The following PCDHGA2 variants were observed in gnomAD, a reference collection of about 807,000 sequenced individuals.
The protein encoded by PCDHGA2 is protocadherin gamma-A2.
Under a neutral mutation model 59.2 loss-of-function variants are expected in PCDHGA2, and 40 were observed. The observed-to-expected ratio is 0.68, with a 90% confidence interval of 0.52 to 0.88. The LOEUF (loss-of-function observed/expected upper bound fraction) is 0.88, where lower values mean the gene tolerates loss of function less well. Among genes scored for constraint, PCDHGA2 ranks in the 40% least tolerant of loss-of-function variants. The pLI is 0.00. For synonymous variants in PCDHGA2, 560 were observed against 526.0 expected (o/e 1.06, Z -0.89); for missense variants, 1,226 against 1,204.0 (o/e 1.02, Z -0.27).
rs758879836 is a variant in PCDHGA2 at position 141,400,006 on chromosome 5, G to A, written c.2424+58611G>A. 3 of 1,612,536 alleles carry A rather than the reference G, an allele frequency of 1.9e-6. No homozygotes were observed. The South Asian group carries it at 3.3e-5, about 18-fold the overall frequency. On this transcript the variant is annotated intron_variant, in intron 1 of 3. Coordinates refer to ENST00000394576, the MANE Select transcript of PCDHGA2 (RefSeq NM_018915.4). ...CACAGGAGAGGTGCGCACAGCGCGT[G>A]CCTTGGGCGACAGGGACGCGGCCCG...
chr5:141,354,662 C>G (rs1183093818), intron 1 of PCDHGA2, among the ~76,000 whole-genome samples: 1 of 152,142 alleles, frequency 6.6e-6, no homozygotes, highest in East Asian at 1.9e-4. Flanking sequence ...CCACCTTTGT[C>G]TTTAGGAGAG....
Position 141,489,343 on chromosome 5 carries a change from G to A in PCDHGA2, c.2425-5464G>A, listed in dbSNP as rs377697321. On this transcript the variant is annotated intron_variant, in intron 1 of 3. Coordinates refer to ENST00000394576, the MANE Select transcript of PCDHGA2 (RefSeq NM_018915.4). This position sits in a 1 kb window ranked among gnomAD's most constrained non-coding sequence, Gnocchi z 4.5. ...GGTGTCTGGGCAGCTTCGTTACTCA[G>A]TGGTGGAGGAGTCTGAGCCGGGGAC... The A allele has an allele frequency of 5.6e-6, 9 of 1,611,264 alleles. No individual in the cohort carries two copies. Among genetic ancestry groups the A allele is most frequent in the Non-Finnish European group, 7.6e-6 (9 of 1,178,202 alleles).
chr5:141,340,470 C>T lies in PCDHGA2; in HGVS notation c.1499C>T (p.Pro500Leu). The change falls in exon 1 of 4, where the codon CCC becomes CTC. Residue 500 changes from proline (P) to leucine (L), a missense_variant. Coordinates refer to ENST00000394576, the MANE Select transcript of PCDHGA2 (RefSeq NM_018915.4). ...GCGGAGGACACTGTTCAGGGGGCACCCTTATCCTCTTACATCTCTATCAAC... is the reference window on the plus strand; with the variant it reads ...GCGGAGGACACTGTTCAGGGGGCACTCTTATCCTCTTACATCTCTATCAAC... ...SFAEDTVQGA[P>L]LSSYISINSD... 6.2e-7 allele frequency: 1 copy of T among 1,614,228 alleles called. No homozygotes were observed. Among genetic ancestry groups the T allele is most frequent in the Non-Finnish European group, 8.5e-7 (1 of 1,180,046 alleles).
chr5:141,358,641 G>A lies in PCDHGA2; in HGVS notation c.2424+17246G>A, dbSNP rs577212064. Among the ~76,000 whole-genome samples the A allele has an allele frequency of 9.9e-5, 15 of 152,162 alleles. No individual in the cohort carries two copies. The East Asian group carries it at 2.7e-3, about 27-fold the overall frequency. On this transcript the variant is annotated intron_variant, in intron 1 of 3. Transcript: ENST00000394576. Reference sequence around the variant, plus strand: ...CCAAGCTAATTTCAGTCATATATAAGTAGATTCTAGGAGTAACTTTAATAA... The same window carrying A: ...CCAAGCTAATTTCAGTCATATATAAATAGATTCTAGGAGTAACTTTAATAA...
At chr5:141,435,112 T>A (rs906494104) in intron 1 of PCDHGA2, among the ~76,000 whole-genome samples, 1 of 152,102 alleles carries the variant, frequency 6.6e-6, no homozygotes, top group Non-Finnish European at 1.5e-5. Context: ...GGGGGAGAAA[T>A]CTAATTCAAT....
Position 141,489,779 on chromosome 5 carries a change from T to C in PCDHGA2, c.2425-5028T>C, listed in dbSNP as rs1269302289. 1.9e-6 allele frequency: 3 copies of C among 1,614,168 alleles called. No homozygotes were observed. Among genetic ancestry groups the C allele is most frequent in the Non-Finnish European group, 2.5e-6 (3 of 1,179,996 alleles). On this transcript the variant is annotated intron_variant, in intron 1 of 3. Coordinates refer to ENST00000394576, the MANE Select transcript of PCDHGA2 (RefSeq NM_018915.4). The surrounding 1 kb of genome is among the most constrained non-coding windows in gnomAD (Gnocchi z 4.5). ...CTAAGCCCCAACAGCCACTTCTCTC[T>C]GAATGTGAAGACCCTAAAAGATGGG...
At position 141,477,751 on chromosome 5, in the gene PCDHGA2, G is replaced by T; in HGVS notation, c.2425-17056G>T. 1.2e-6 allele frequency: 2 copies of T among 1,613,830 alleles called. No homozygotes were observed. Among genetic ancestry groups the T allele is most frequent in the Non-Finnish European group, 1.7e-6 (2 of 1,180,022 alleles). On this transcript the variant is annotated intron_variant, in intron 1 of 3. Coordinates refer to ENST00000394576, the MANE Select transcript of PCDHGA2 (RefSeq NM_018915.4). This position sits in a 1 kb window ranked among gnomAD's most constrained non-coding sequence, Gnocchi z 4.9. ...CTCATATCAGCGATGGGGGCACCCC[G>T]GTCCTAGCCACCAACATCAGCGTGA...
At position 141,431,952 on chromosome 5, in the gene PCDHGA2, AC is replaced by A; in HGVS notation, c.2425-62854del. ...CTGCCCTTTAAATTAGAAAAATCTTACGGAAATTACTATAGTTTAGTCACAG... is the reference window on the plus strand; with the variant it reads ...CTGCCCTTTAAATTAGAAAAATCTTAGGAAATTACTATAGTTTAGTCACAG... On this transcript the variant is annotated intron_variant, in intron 1 of 3. Transcript: ENST00000394576. This position sits in a 1 kb window ranked among gnomAD's most constrained non-coding sequence, Gnocchi z 4.8. 1 of 1,614,166 alleles carries A rather than the reference AC, an allele frequency of 6.2e-7. No homozygotes were observed. The highest frequency in any genetic ancestry group is 1.1e-5 in the South Asian group (1 of 91,090).
chr5:141,370,473 C>T (rs1248894639), intron 1 of PCDHGA2: 2 of 1,613,496 alleles, frequency 1.2e-6, no homozygotes, highest in Non-Finnish European at 1.7e-6. Flanking sequence ...TTTGTTAGAC[C>T]AGGCTCTCTC....
rs780685517 is a variant in PCDHGA2 at position 141,489,548 on chromosome 5, T to C, written c.2425-5259T>C. 6.2e-7 allele frequency: 1 copy of C among 1,614,136 alleles called. No individual in the cohort carries two copies. Among genetic ancestry groups the C allele is most frequent in the South Asian group, 1.1e-5 (1 of 91,086 alleles). On this transcript the variant is annotated intron_variant, in intron 1 of 3. Coordinates refer to ENST00000394576, the MANE Select transcript of PCDHGA2 (RefSeq NM_018915.4). This position sits in a 1 kb window ranked among gnomAD's most constrained non-coding sequence, Gnocchi z 4.5. ...CTATGTGGAGCCAGCACCAGCTGCCTGCTGCCAGTGCAGGTGGTGACTGAA... is the reference window on the plus strand; with the variant it reads ...CTATGTGGAGCCAGCACCAGCTGCCCGCTGCCAGTGCAGGTGGTGACTGAA...
rs748803155 is a variant in PCDHGA2, at chr5:141,490,087, G to C, written c.2425-4720G>C. ...CGGCCAACTAGACTATTCTTTTGGAGACCACACATCTGAGGCAGTGCGGAA... is the reference window on the plus strand; with the variant it reads ...CGGCCAACTAGACTATTCTTTTGGACACCACACATCTGAGGCAGTGCGGAA... On this transcript the variant is annotated intron_variant, in intron 1 of 3. Transcript: ENST00000394576. The surrounding 1 kb of genome is among the most constrained non-coding windows in gnomAD (Gnocchi z 5.4). 1.9e-6 allele frequency: 3 copies of C among 1,614,244 alleles called. No individual in the cohort carries two copies. Among genetic ancestry groups the C allele is most frequent in the Non-Finnish European group, 2.5e-6 (3 of 1,180,044 alleles).
intron 1 of PCDHGA2, among the ~76,000 whole-genome samples, chr5:141,443,772 C>T (rs1284723564): frequency 6.6e-6 from 1 of 151,568 alleles, no homozygotes; most frequent in Non-Finnish European, 1.5e-5. Context: ...TACAATATTA[C>T]CAAAAAGACA....
At chr5:141,462,539 T>G (rs2099042077) in intron 1 of PCDHGA2, among the ~76,000 whole-genome samples, 1 of 152,184 alleles carries the variant, frequency 6.6e-6, no homozygotes, top group African/African-American at 2.4e-5. Flanking sequence ...TTCAGTGATC[T>G]TTTCTTCTTC....
At chr5:141,478,215 T>C (rs764444582) in intron 1 of PCDHGA2, 11 of 1,614,118 alleles carry the variant, frequency 6.8e-6, no homozygotes. Context: ...TCTCTAATCC[T>C]GGTTTCTGTG....
In PCDHGA2 at chr5:141,340,417, C is replaced by G. The variant is rs745593461; in HGVS notation, c.1446C>G (p.Asn482Lys). The change falls in exon 1 of 4, where the codon AAC becomes AAG. Residue 482 changes from asparagine (N) to lysine (K), a missense_variant. Coordinates refer to ENST00000394576, the MANE Select transcript of PCDHGA2 (RefSeq NM_018915.4). The stretch of plus-strand genomic sequence containing the variant: ...TGACGGCCCATGACCCCGACAGCAA[C>G]GACAATGCTCATGTAACTTACTCTT... The part of the protein sequence containing the change: ...FSVTAHDPDS[N>K]DNAHVTYSFA... The G allele has an allele frequency of 6.2e-7, 1 of 1,614,198 alleles. No homozygotes were observed. The highest frequency in any genetic ancestry group is 1.7e-5 in the Admixed American group (1 of 60,030).
rs62379205 is a variant in PCDHGA2, at chr5:141,491,971, T to G, written c.2425-2836T>G. On this transcript the variant is annotated intron_variant, in intron 1 of 3. Coordinates refer to ENST00000394576, the MANE Select transcript of PCDHGA2 (RefSeq NM_018915.4). This position sits in a 1 kb window ranked among gnomAD's most constrained non-coding sequence, Gnocchi z 6.9. ...CCTACACTCAAAAAAGGCCGGGGCC[T>G]CCTTCGAGCTTCCGGTGAATTTCGG... The G allele has an allele frequency of 3.6e-6, 3 of 831,948 alleles. No homozygotes were observed. Among genetic ancestry groups the G allele is most frequent in the Admixed American group, 3.7e-5 (1 of 26,692 alleles). The allele number at this position is 831,948 out of a possible 1,614,324, so 51.5% of individuals were successfully genotyped here.
rs540147412 is a variant in PCDHGA2 at position 141,381,240 on chromosome 5, G to A, written c.2424+39845G>A. 4.6e-5 allele frequency among the ~76,000 whole-genome samples: 7 copies of A among 152,318 alleles called. No homozygotes were observed. The South Asian group carries it at 1.4e-3, about 32-fold the overall frequency. ...TCCTGGTTCCACCAACTACTCTCCA[G>A]GACCTAGAAGAATTTACAAACCAAG... On this transcript the variant is annotated intron_variant, in intron 1 of 3. Coordinates refer to ENST00000394576, the MANE Select transcript of PCDHGA2 (RefSeq NM_018915.4).
rs1330713312 is a variant in PCDHGA2 at position 141,414,559 on chromosome 5, T to G, written c.2424+73164T>G. The stretch of plus-strand genomic sequence containing the variant: ...ACCTACCTTCTCTCAAGTCTCCTAC[T>G]TTACCTATATCCCAGAGAACAACGC... On this transcript the variant is annotated intron_variant, in intron 1 of 3. Coordinates refer to ENST00000394576, the MANE Select transcript of PCDHGA2 (RefSeq NM_018915.4). 5.0e-6 allele frequency: 8 copies of G among 1,613,782 alleles called. No homozygotes were observed. The Admixed American group carries it at 1.0e-4, about 20-fold the overall frequency.
At chr5:141,419,432 C>A (rs2096381830) in intron 1 of PCDHGA2, 1 of 1,613,160 alleles carries the variant, frequency 6.2e-7, no homozygotes, top group Non-Finnish European at 8.5e-7. Flanking sequence ...CCACGAGCAG[C>A]TGCGCACCTT....
Sources: gnomAD v4.1 joint callset for allele counts (sites outside exome capture counted in the v4.1 genomes callset) on GRCh38, gnomAD v4.1.1 for gene constraint, Gnocchi (gnomAD v3.1) non-coding constraint, MANE v1.5 for transcripts, NCBI Gene and HGNC (gene_info 2026-07-23, HGNC 2026-07-21) for gene names.